The following TAF9 variants were observed in gnomAD, a reference collection of about 807,000 sequenced individuals.
The protein encoded by TAF9 is transcription initiation factor TFIID subunit 9.
In TAF9, 10 loss-of-function variants were observed where a neutral mutation model predicts 16.5. The observed-to-expected ratio is 0.61, with a 90% CI of 0.37 to 1.03. The LOEUF (loss-of-function observed/expected upper bound fraction) is 1.03. TAF9 is among the 50% of genes least tolerant of loss of function. The pLI, the probability that TAF9 is intolerant of heterozygous loss-of-function variation, is 0.01. For missense variants in TAF9, 288 were observed against 319.1 expected (o/e 0.90, Z 0.74); for synonymous variants, 105 against 120.5 (o/e 0.87, Z 0.84).
chr5:69,365,136 G>C lies in TAF9; in HGVS notation c.602C>G (p.Ala201Gly). Reference sequence around the variant, plus strand: ...AACTGCTGAGGTTGCAGGAATTGAAGCTTTTACAGCTGGAGACTGAGAAGT... The same window carrying C: ...AACTGCTGAGGTTGCAGGAATTGAACCTTTTACAGCTGGAGACTGAGAAGT... ...MPTSQSPAVK[A>G]SIPATSAVQN... The change falls in exon 3 of 3, where the codon GCT (alanine) becomes GGT (glycine). Residue 201 changes from alanine (A) to glycine (G), a missense_variant. By Grantham distance (60) the Ala-to-Gly change is moderately conservative. Coordinates refer to ENST00000217893, the MANE Select transcript of TAF9 (RefSeq NM_003187.5). 6.2e-7 allele frequency: 1 copy of C among 1,614,226 alleles called. No individual in the cohort carries two copies. Among genetic ancestry groups the C allele is most frequent in the Non-Finnish European group, 8.5e-7 (1 of 1,180,032 alleles).
rs1229650018 is a variant in TAF9, at chr5:69,369,489, A to G, written c.-137T>C. On this transcript the variant is annotated 5_prime_UTR_variant, in exon 1 of 3. The change abolishes an upstream ATG in the 5' untranslated region. Transcript: ENST00000217893. ...GGTGAGCAGGATGTTCGGAAGCAAC[A>G]TGGTCCCCGCCGCGACGGCTTCGGG... The G allele has an allele frequency of 3.1e-6, 5 of 1,611,476 alleles. No homozygotes were observed. Among genetic ancestry groups the G allele is most frequent in the East Asian group, 2.2e-5 (1 of 44,812 alleles).
In TAF9 at chr5:69,364,910, C is replaced by A; in HGVS notation, c.*33G>T. 1 of 1,566,184 alleles carries A rather than the reference C, an allele frequency of 6.4e-7. No individual in the cohort carries two copies. The highest frequency in any genetic ancestry group is 8.7e-7 in the Non-Finnish European group (1 of 1,155,360). ...TAATATCAGTACAATGAATTCAAGA[C>A]CAAGTATACATGTTACATTCAGCAA... On this transcript the variant is annotated 3_prime_UTR_variant, in exon 3 of 3. Coordinates refer to ENST00000217893, the MANE Select transcript of TAF9 (RefSeq NM_003187.5).
rs527486320 is a variant in TAF9 at position 69,365,836 on chromosome 5, A to C, written c.-17-82T>G. 6.5e-6 allele frequency: 7 copies of C among 1,075,420 alleles called. No individual in the cohort carries two copies. In the South Asian group the frequency reaches 1.9e-4, roughly 29 times the overall value. 66.6% of individuals were successfully genotyped at this position (1,075,420 alleles called of 1,614,324 possible). A position where few individuals can be genotyped will look rare whatever the true frequency, so the allele number is the denominator to read the frequency against. On this transcript the variant is annotated intron_variant, in intron 2 of 2. Transcript: ENST00000217893. Reference sequence around the variant, plus strand: ...GTAGCAACTGTCAGGAACTTAAAAAAATTTTAAATCTATGTTAAACTGTAA... The same window carrying C: ...GTAGCAACTGTCAGGAACTTAAAAACATTTTAAATCTATGTTAAACTGTAA...
chr5:69,369,764 G>C (rs1762801936), upstream of TAF9: 5 of 1,470,368 alleles, frequency 3.4e-6, no homozygotes, highest in Non-Finnish European at 4.6e-6. Flanking sequence ...ACACTCCTTC[G>C]GTGGTCCCCG....
Position 69,366,531 on chromosome 5 carries a change from G to A in TAF9, c.-46C>T. 1 of 1,613,764 alleles carries A rather than the reference G, an allele frequency of 6.2e-7. No individual in the cohort carries two copies. On this transcript the variant is annotated 5_prime_UTR_variant, in exon 2 of 3. Coordinates refer to ENST00000217893, the MANE Select transcript of TAF9 (RefSeq NM_003187.5). ...CTCGAGCTAAATCACCCACATTAAT[G>A]TATTTCAGTCCTGATTTTGACGCAA...
chr5:69,365,830 T>A, intron 2 of TAF9, 76 bp from the exon 3 acceptor site: 2 of 1,115,364 alleles, frequency 1.8e-6, no homozygotes, highest in Non-Finnish European at 2.4e-6. Flanking sequence ...GTCAGGAACT[T>A]AAAAAAATTT....
At chr5:69,369,577 G>C (rs1329143363), upstream of TAF9, 3 of 1,604,618 alleles carry the variant, frequency 1.9e-6, no homozygotes, top group South Asian at 1.1e-5. Flanking sequence ...GGCAGCAAAA[G>C]CCCACGGCCC....
chr5:69,369,201 G>T, intron 1 of TAF9: 1 of 490,218 alleles, frequency 2.0e-6, no homozygotes, highest in South Asian at 3.2e-5. Context: ...CCAAGCTGGA[G>T]AGCTGGATCT....
Position 69,367,944 on chromosome 5 carries a change from C to T in TAF9, c.-110-1349G>A, listed in dbSNP as rs373604211. 6.6e-5 allele frequency: 10 copies of T among 152,278 alleles called. 2 individuals carry two copies. The highest frequency in any genetic ancestry group is 2.2e-4 in the African/African-American group (9 of 41,564). The allele number at this position is 152,278 out of a possible 1,614,324, so 9.4% of individuals were successfully genotyped here. On this transcript the variant is annotated intron_variant, in intron 1 of 2. Transcript: ENST00000217893. ...ATTTGGGAGGAGAAGGCGGGAGGAT[C>T]GCTTAAGCGCAGGAGTTCGAGACCA...
intron 1 of TAF9, chr5:69,368,005 A>AAACAAAAACAAG (rs1762556149): frequency 6.6e-6 from 1 of 152,144 alleles, no homozygotes; most frequent in African/African-American, 2.4e-5. Flanking sequence ...TCTCAAACAA[A>AAACAAAAACAAG]AACAAAAACA....
upstream of TAF9, chr5:69,369,565 G>T: frequency 1.2e-6 from 2 of 1,607,944 alleles, no homozygotes; most frequent in Non-Finnish European, 1.7e-6. Context: ...GAAGGGGCGG[G>T]CGGCAGCAAA....
At chr5:69,369,225 C>A in intron 1 of TAF9, 1 of 153,446 alleles carries the variant, frequency 6.5e-6, no homozygotes. Context: ...GACCTCTCTC[C>A]ACCCCCCCCC....
At position 69,366,573 on chromosome 5, in the gene TAF9, G is replaced by A; in HGVS notation, c.-88C>T. 6.2e-7 allele frequency: 1 copy of A among 1,613,932 alleles called. No homozygotes were observed. Among genetic ancestry groups the A allele is most frequent in the Non-Finnish European group, 8.5e-7 (1 of 1,179,938 alleles). ...TTGACGCAAGTTCTTTGCCTAGTGT[G>A]GTTTTTCCAACCCCTGGTGTACCTG... On this transcript the variant is annotated 5_prime_UTR_variant, in exon 2 of 3. Transcript: ENST00000217893.
intron 1 of TAF9, among the ~76,000 whole-genome samples, chr5:69,367,301 A>G (rs1047690134): frequency 1.3e-5 from 2 of 151,714 alleles, no homozygotes; most frequent in Non-Finnish European, 2.9e-5. Context: ...TCACAAGGTC[A>G]GGAGATTGAG....
At chr5:69,369,204 C>G (rs1427882814) in intron 1 of TAF9, 1 of 489,250 alleles carries the variant, frequency 2.0e-6, no homozygotes, top group African/African-American at 2.1e-5. Flanking sequence ...AGCTGGAGAG[C>G]TGGATCTGCC....
chr5:69,369,536 G>A, upstream of TAF9: 1 of 1,611,202 alleles, frequency 6.2e-7, no homozygotes, highest in Non-Finnish European at 8.5e-7. Context: ...CGTGCCCTTT[G>A]CTCTACAGGG....
chr5:69,365,843 A>T lies in TAF9; in HGVS notation c.-17-89T>A, dbSNP rs1330530937. On this transcript the variant is annotated intron_variant, in intron 2 of 2. Coordinates refer to ENST00000217893, the MANE Select transcript of TAF9 (RefSeq NM_003187.5). ...CTGTCAGGAACTTAAAAAAATTTTA[A>T]ATCTATGTTAAACTGTAAAAAAATT... 5 of 998,450 alleles carry T rather than the reference A, an allele frequency of 5.0e-6. No individual in the cohort carries two copies. The South Asian group carries it at 8.6e-5, about 17-fold the overall frequency. The allele number at this position is 998,450 out of a possible 1,614,324, so 61.8% of individuals were successfully genotyped here.
intron 1 of TAF9, among the ~76,000 whole-genome samples, chr5:69,368,082 C>A (rs914619461): frequency 6.6e-6 from 1 of 152,160 alleles, no homozygotes; most frequent in Non-Finnish European, 1.5e-5. Flanking sequence ...TGACCCCTTG[C>A]GCCCTTCCCT....
At chr5:69,367,653 AG>A (rs1762514417) in intron 1 of TAF9, among the ~76,000 whole-genome samples, 2 of 152,078 alleles carry the variant, frequency 1.3e-5, no homozygotes, top group South Asian at 4.1e-4. Flanking sequence ...CCTGGGCTCA[AG>A]CAATCCTCCC....
Sources: allele counts gnomAD v4.1 joint callset (sites outside exome capture counted in the v4.1 genomes callset), GRCh38; gene constraint gnomAD v4.1.1; transcripts MANE v1.5; gene names NCBI Gene and HGNC (gene_info 2026-07-23, HGNC 2026-07-21).